The following PPP2R5A variants were observed in gnomAD, a reference collection of about 807,000 sequenced individuals.
PPP2R5A encodes the protein protein phosphatase 2 regulatory subunit B'alpha.
Under a neutral mutation model 64.2 loss-of-function variants are expected in PPP2R5A, and 25 were observed. The ratio of observed to expected loss-of-function variants is 0.39; its 90% CI spans 0.28 to 0.54. PPP2R5A has a LOEUF of 0.54. PPP2R5A is among the 20% of genes least tolerant of loss of function. The pLI is 0.67. For missense variants in PPP2R5A, 425 were observed against 576.3 expected (o/e 0.74, Z 2.69); for synonymous variants, 198 against 201.2 (o/e 0.98, Z 0.13).
intron 1 of PPP2R5A, among the ~76,000 whole-genome samples, chr1:212,326,553 C>T (rs12024665): frequency 0.39 from 59,125 of 151,832 alleles, 11,745 homozygotes; most frequent in African/African-American, 0.44. Flanking sequence ...GCCAAGATCG[C>T]GCCACCACAC....
intron 1 of PPP2R5A, among the ~76,000 whole-genome samples, chr1:212,319,952 T>G (rs1410174162): frequency 1.3e-5 from 2 of 148,992 alleles, no homozygotes; most frequent in South Asian, 4.2e-4. Flanking sequence ...AGATTGTTTT[T>G]TTTTTTTTTT....
At chr1:212,344,202 G>A (rs1172266145) in intron 4 of PPP2R5A, among the ~76,000 whole-genome samples, 1 of 152,194 alleles carries the variant, frequency 6.6e-6, no homozygotes, top group African/African-American at 2.4e-5. Flanking sequence ...TCAAATCCCT[G>A]ACCTCAAGTG....
chr1:212,313,462 T>C (rs1213846220), intron 1 of PPP2R5A, among the ~76,000 whole-genome samples: 2 of 152,196 alleles, frequency 1.3e-5, no homozygotes, highest in African/African-American at 4.8e-5. Flanking sequence ...GTCATTTATG[T>C]TTCATGTGAC....
intron 8 of PPP2R5A, among the ~76,000 whole-genome samples, chr1:212,349,810 G>C (rs1287003501): frequency 1.3e-5 from 2 of 152,188 alleles, no homozygotes; most frequent in African/African-American, 4.8e-5. Flanking sequence ...AAATTCAGGA[G>C]AGAGTGAAAA....
chr1:212,344,370 G>A (rs1659737666), intron 4 of PPP2R5A, among the ~76,000 whole-genome samples: 3 of 152,170 alleles, frequency 2.0e-5, no homozygotes, highest in Non-Finnish European at 2.9e-5. Context: ...TCTCATGAGG[G>A]CCTTAACAGC....
chr1:212,347,166 ATCT>A (rs776295751), intron 5 of PPP2R5A, among the ~76,000 whole-genome samples, 178 bp from the exon 6 acceptor site: 15 of 152,330 alleles, frequency 9.8e-5, no homozygotes, highest in South Asian at 6.2e-4. Context: ...AGTAGGAAAC[ATCT>A]TCTTTTTTAA....
chr1:212,351,143 G>A (rs1460360549), intron 8 of PPP2R5A, among the ~76,000 whole-genome samples: 1 of 151,828 alleles, frequency 6.6e-6, no homozygotes, highest in Non-Finnish European at 1.5e-5. Context: ...GACGATTAGG[G>A]AGAGGGATGA....
chr1:212,295,597 G>A (rs954511648), intron 1 of PPP2R5A, among the ~76,000 whole-genome samples: 2 of 152,176 alleles, frequency 1.3e-5, no homozygotes, highest in African/African-American at 4.8e-5. Flanking sequence ...GAGATAATGG[G>A]TAAGGGAAAA....
rs570321817 is a variant in PPP2R5A, at chr1:212,320,323, C to G, written c.182-8812C>G. ...AATGTTTCTTAGTACAGAACAAAAT[C>G]AAAAGTCTCCCATGTCTACCTCTTT... On this transcript the variant is annotated intron_variant, in intron 1 of 12. Transcript: ENST00000261461. 3.9e-5 allele frequency among the ~76,000 whole-genome samples: 6 copies of G among 152,224 alleles called. No homozygotes were observed. The East Asian group carries it at 9.7e-4, about 25-fold the overall frequency.
intron 1 of PPP2R5A, among the ~76,000 whole-genome samples, chr1:212,312,247 C>T (rs905258719): frequency 2.0e-5 from 3 of 152,108 alleles, no homozygotes; most frequent in Admixed American, 1.3e-4. Flanking sequence ...GTAGGCTGTG[C>T]CATCTAAGTT....
At chr1:212,304,378 C>G (rs1658856790) in intron 1 of PPP2R5A, among the ~76,000 whole-genome samples, 1 of 152,170 alleles carries the variant, frequency 6.6e-6, no homozygotes. Flanking sequence ...TGGAGAAACC[C>G]CGTCTCTTCT....
intron 3 of PPP2R5A, among the ~76,000 whole-genome samples, chr1:212,337,082 A>G (rs1659603832): frequency 6.6e-6 from 1 of 152,176 alleles, no homozygotes; most frequent in Admixed American, 6.5e-5. Context: ...ATAAAAAGAG[A>G]TAGAAGAAAG....
rs552668411 is a variant in PPP2R5A, at chr1:212,322,006, C to T, written c.182-7129C>T. Among the ~76,000 whole-genome samples the T allele has an allele frequency of 2.6e-5, 4 of 151,924 alleles. No individual in the cohort carries two copies. In the South Asian group the frequency reaches 8.3e-4, roughly 32 times the overall value. ...CTGGAGACCAGCCCGGCCAACACAG[C>T]GAAACCCCGTCTCCACCAAAAAAAT... is the stretch of plus-strand genomic sequence containing the variant. On this transcript the variant is annotated intron_variant, in intron 1 of 12. Transcript: ENST00000261461.
At chr1:212,333,462 A>T (rs752559931) in intron 2 of PPP2R5A, 35 bp from the exon 3 acceptor site, 1 of 1,353,202 alleles carries the variant, frequency 7.4e-7, no homozygotes, top group East Asian at 2.5e-5. Context: ...AATTACACAT[A>T]CAACAACGAA....
intron 1 of PPP2R5A, among the ~76,000 whole-genome samples, chr1:212,311,632 C>G (rs1342208078): frequency 6.6e-6 from 1 of 152,056 alleles, no homozygotes; most frequent in Admixed American, 6.6e-5. Flanking sequence ...CAGCCTCAGG[C>G]AGGCCCTTCA....
At chr1:212,347,509 T>A in intron 6 of PPP2R5A, 103 bp downstream of exon 6, 1 of 870,790 alleles carries the variant, frequency 1.1e-6, no homozygotes, top group Non-Finnish European at 1.8e-6. Context: ...TTTTAGAGTT[T>A]AAATGTAGAA....
chr1:212,287,543 A>G (rs1658525847), intron 1 of PPP2R5A, among the ~76,000 whole-genome samples: 2 of 152,238 alleles, frequency 1.3e-5, no homozygotes, highest in African/African-American at 4.8e-5. Context: ...GAGTGCTTCT[A>G]AATCATGACA....
At chr1:212,294,915 GA>G (rs1658664766) in intron 1 of PPP2R5A, among the ~76,000 whole-genome samples, 1 of 152,146 alleles carries the variant, frequency 6.6e-6, no homozygotes, top group African/African-American at 2.4e-5. Flanking sequence ...GATGGGCTAA[GA>G]GGTCCACCCA....
Position 212,360,858 on chromosome 1 carries a change from ATAATATAAT to A in PPP2R5A, c.*92_*100del. The stretch of plus-strand genomic sequence containing the variant: ...AAATTACAAAACAAACCTCATCAGT[ATAATATAAT>A]TAAAAGGCCAATTTTTTCTGGCAAC... On this transcript the variant is annotated 3_prime_UTR_variant, in exon 13 of 13. Transcript: ENST00000261461. 1 of 1,298,450 alleles carries A rather than the reference ATAATATAAT, an allele frequency of 7.7e-7. No homozygotes were observed. The highest frequency in any genetic ancestry group is 1.0e-6 in the Non-Finnish European group (1 of 991,252). The allele number at this position is 1,298,450 out of a possible 1,614,324, so 80.4% of individuals were successfully genotyped here.
Sources: gnomAD v4.1 joint callset for allele counts (sites outside exome capture counted in the v4.1 genomes callset) on GRCh38, gnomAD v4.1.1 for gene constraint, MANE v1.5 for transcripts, NCBI Gene and HGNC (gene_info 2026-07-23, HGNC 2026-07-21) for gene names.